ABCA9: variants seen among roughly 807,000 people sequenced by gnomAD.
ABCA9 encodes the protein ATP-binding cassette sub-family A member 9.
Under a neutral mutation model 205.3 loss-of-function variants are expected in ABCA9, and 183 were observed. The ratio of observed to expected loss-of-function variants is 0.89; its 90% CI spans 0.79 to 1.01. The LOEUF is 1.01. ABCA9 is among the 50% of genes least tolerant of loss of function. The pLI, the probability that ABCA9 is intolerant of heterozygous loss-of-function variation, is 0.00. For synonymous variants in ABCA9, 651 were observed against 683.3 expected (o/e 0.95, Z 0.74); for missense variants, 1,805 against 1,912.4 (o/e 0.94, Z 1.05).
chr17:69,024,306 A>C lies in ABCA9; in HGVS notation c.2189T>G (p.Val730Gly). Reference protein sequence around the residue: ...RCDPESITSLVKQHISDAKLT... With the variant: ...RCDPESITSLGKQHISDAKLT... ...TTTGGCATCAGAGATGTGCTGCTTA[A>C]CCAGTGATGTTATACTCTCTGGATC... The change falls in exon 17 of 39, where the codon GTT (valine) becomes GGT (glycine). Residue 730 changes from valine to glycine, a missense_variant. Physicochemically the swap from Val to Gly is moderately radical, Grantham distance 109. Coordinates refer to ENST00000340001, the MANE Select transcript of ABCA9 (RefSeq NM_080283.4). The C allele has an allele frequency of 1.2e-6, 2 of 1,612,716 alleles. No individual in the cohort carries two copies. The highest frequency in any genetic ancestry group is 8.5e-7 in the Non-Finnish European group (1 of 1,179,144).
At chr17:68,999,413 G>A (rs1486230519) in intron 25 of ABCA9, among the ~76,000 whole-genome samples, 1 of 143,042 alleles carries the variant, frequency 7.0e-6, no homozygotes, top group African/African-American at 2.6e-5. Context: ...TACTGAGAAT[G>A]ATGGTTTCCA....
At chr17:69,027,564 G>A in intron 13 of ABCA9, 76 bp downstream of exon 13, 1 of 1,566,254 alleles carries the variant, frequency 6.4e-7, no homozygotes, top group Non-Finnish European at 8.7e-7. Flanking sequence ...GAGGAATTAT[G>A]TATAACTTAG....
chr17:69,036,500 A>G (rs529710522), intron 6 of ABCA9, among the ~76,000 whole-genome samples: 1 of 152,240 alleles, frequency 6.6e-6, no homozygotes, highest in Admixed American at 6.5e-5. Context: ...TGTCACCACC[A>G]GGCCTGCCTT....
At chr17:69,024,572 AAG>A (rs375985784) in intron 16 of ABCA9, among the ~76,000 whole-genome samples, 6 of 152,178 alleles carry the variant, frequency 3.9e-5, no homozygotes, top group African/African-American at 1.4e-4. Context: ...TTAGAGTGGG[AAG>A]AGGTAACTCA....
chr17:69,016,571 G>A (rs1356273742), intron 21 of ABCA9, among the ~76,000 whole-genome samples, 181 bp from the exon 22 acceptor site: 1 of 151,644 alleles, frequency 6.6e-6, no homozygotes, highest in African/African-American at 2.4e-5. Context: ...AAAGAATCCG[G>A]TATTTTGGTT....
intron 15 of ABCA9, 52 bp downstream of exon 15, chr17:69,026,924 C>T: frequency 6.3e-7 from 1 of 1,597,232 alleles, no homozygotes; most frequent in African/African-American, 1.3e-5. Context: ...TGTTCATATT[C>T]CACACTGTCT....
intron 25 of ABCA9, among the ~76,000 whole-genome samples, chr17:68,998,076 C>T (rs531139515): frequency 5.9e-5 from 9 of 152,260 alleles, no homozygotes; most frequent in East Asian, 1.9e-4. Context: ...CTTAGTAATA[C>T]GCATTTAAGT....
chr17:69,019,538 A>G (rs2070745194), intron 19 of ABCA9, among the ~76,000 whole-genome samples: 2 of 152,048 alleles, frequency 1.3e-5, no homozygotes, highest in African/African-American at 4.8e-5. Flanking sequence ...TCTCCCTCCT[A>G]CTAAATGCCA....
intron 30 of ABCA9, 57 bp downstream of exon 30, chr17:68,989,756 G>T: frequency 1.9e-6 from 2 of 1,058,546 alleles, no homozygotes; most frequent in South Asian, 2.8e-5. Flanking sequence ...CTTATTCCCT[G>T]AATAATCCAG....
At position 68,975,318 on chromosome 17, in the gene ABCA9, G is replaced by A. The variant is rs1055331016; in HGVS notation, c.*597C>T. ...AAACAGTGCTGCAATAAACATACGT[G>A]TGCATGTGTCTTTATAGTAGAATGA... On this transcript the variant is annotated 3_prime_UTR_variant, in exon 39 of 39. Coordinates refer to ENST00000340001, the MANE Select transcript of ABCA9 (RefSeq NM_080283.4). 6.6e-6 allele frequency: 1 copy of A among 152,558 alleles called. No homozygotes were observed. The highest frequency in any genetic ancestry group is 1.5e-5 in the Non-Finnish European group (1 of 68,376). The allele number at this position is 152,558 out of a possible 1,614,324, so 9.5% of individuals were successfully genotyped here. A position where few individuals can be genotyped will look rare whatever the true frequency, so the allele number is the denominator to read the frequency against.
At chr17:69,001,965 C>T (rs1416853151) in intron 25 of ABCA9, among the ~76,000 whole-genome samples, 2 of 151,112 alleles carry the variant, frequency 1.3e-5, no homozygotes, top group African/African-American at 2.4e-5. Context: ...GTGGTGATAT[C>T]CCCTTTATCA....
chr17:69,027,538 TGC>T, intron 13 of ABCA9, 89 bp from the exon 14 acceptor site: 1 of 1,559,272 alleles, frequency 6.4e-7, no homozygotes, highest in Non-Finnish European at 8.7e-7. Flanking sequence ...AGGGCCTTTT[TGC>T]CTGAAATTTA....
At chr17:69,022,664 A>T (rs2070858212) in intron 17 of ABCA9, among the ~76,000 whole-genome samples, 1 of 152,172 alleles carries the variant, frequency 6.6e-6, no homozygotes, top group African/African-American at 2.4e-5. Context: ...CACCGCGCCC[A>T]GCCCATAAAT....
At chr17:69,012,245 A>G in intron 22 of ABCA9, 162 bp from the exon 23 acceptor site, 1 of 523,464 alleles carries the variant, frequency 1.9e-6, no homozygotes, top group African/African-American at 2.0e-5. Flanking sequence ...TCAATCCTGT[A>G]TTGCAGCAAC....
intron 10 of ABCA9, 102 bp from the exon 11 acceptor site, chr17:69,029,329 G>C (rs2071089397): frequency 7.5e-6 from 5 of 667,336 alleles, no homozygotes; most frequent in Admixed American, 3.6e-5. Flanking sequence ...GAAAATCTGG[G>C]ATTCTTTTCT....
At chr17:68,987,513 C>T (rs996982868) in intron 31 of ABCA9, among the ~76,000 whole-genome samples, 71 of 152,060 alleles carry the variant, frequency 4.7e-4, no homozygotes, top group Non-Finnish European at 9.0e-4. Context: ...AATTTTTAAG[C>T]GATGAGAAGG....
At chr17:68,982,329 C>T (rs1161987695) in intron 37 of ABCA9, among the ~76,000 whole-genome samples, 1 of 152,128 alleles carries the variant, frequency 6.6e-6, no homozygotes, top group Non-Finnish European at 1.5e-5. Flanking sequence ...CTGGCCTCCA[C>T]CCACTAGAAA....
At chr17:68,983,977 G>A (rs1484339485) in intron 35 of ABCA9, 79 bp downstream of exon 35, 1 of 1,603,338 alleles carries the variant, frequency 6.2e-7, no homozygotes, top group Non-Finnish European at 8.5e-7. Flanking sequence ...CCTCACGATG[G>A]GTAGCCTGGT....
At chr17:69,024,108 G>T (rs1173029285) in intron 17 of ABCA9, 106 bp downstream of exon 17, 3 of 1,222,094 alleles carry the variant, frequency 2.5e-6, no homozygotes, top group African/African-American at 3.0e-5. Context: ...TAAACGCATT[G>T]TGCCATTCAT....
Sources: gnomAD v4.1 joint callset for allele counts (sites outside exome capture counted in the v4.1 genomes callset) on GRCh38, gnomAD v4.1.1 for gene constraint, MANE v1.5 for transcripts, NCBI Gene and HGNC (gene_info 2026-07-23, HGNC 2026-07-21) for gene names.